DDAH1: variants seen among roughly 807,000 people sequenced by gnomAD.
DDAH1 encodes the protein dimethylarginine dimethylaminohydrolase 1, also known as N(G),N(G)-dimethylarginine dimethylaminohydrolase 1.
Under a neutral mutation model 28.8 loss-of-function variants are expected in DDAH1, and 19 were observed. The observed-to-expected ratio is 0.66, with a 90% confidence interval of 0.46 to 0.97. The LOEUF (loss-of-function observed/expected upper bound fraction) is 0.97. Ranked by LOEUF, DDAH1 falls within the 50% of genes least tolerant of loss-of-function variation. The pLI, the probability that DDAH1 is intolerant of heterozygous loss-of-function variation, is 0.00. For missense variants in DDAH1, 326 were observed against 375.9 expected, an observed-to-expected ratio of 0.87 and a Z score of 1.10; for synonymous variants, 153 against 154.4, an observed-to-expected ratio of 0.99 and a Z score of 0.07.
rs1240440567 is a variant in DDAH1, at chr1:85,361,543, G to GA, written c.304-2697dup. On this transcript the variant is annotated intron_variant, in intron 1 of 5. Transcript: ENST00000284031. ...GCCCACAAAATTAGAAATAAAAAGGGAAAATTAGAAAAACAACCTACTTAA... is the reference window on the plus strand; with the variant it reads ...GCCCACAAAATTAGAAATAAAAAGGGAAAAATTAGAAAAACAACCTACTTAA... Among the ~76,000 whole-genome samples the GA allele has an allele frequency of 2.6e-5, 4 of 152,042 alleles. No homozygotes were observed. In the East Asian group the frequency reaches 7.7e-4, roughly 29 times the overall value.
At chr1:85,370,914 C>A (rs894562608) in intron 1 of DDAH1, among the ~76,000 whole-genome samples, 3 of 151,882 alleles carry the variant, frequency 2.0e-5, no homozygotes, top group African/African-American at 7.3e-5. Context: ...GTAGTCAGAA[C>A]CAGAAATAAA....
intron 1 of DDAH1, chr1:85,404,449 A>T: frequency 2.0e-6 from 3 of 1,531,618 alleles, no homozygotes; most frequent in Admixed American, 3.9e-5. Flanking sequence ...CAATCTTTTC[A>T]ACAGATTCCC....
chr1:85,432,360 C>T (rs142648243), intron 1 of DDAH1, among the ~76,000 whole-genome samples: 250 of 152,300 alleles, frequency 1.6e-3, no homozygotes, highest in Non-Finnish European at 2.8e-3. Context: ...CCACCCATCC[C>T]TCCCAAAGCT....
intron 1 of DDAH1, among the ~76,000 whole-genome samples, chr1:85,572,273 A>G (rs913021774): frequency 1.3e-5 from 2 of 152,158 alleles, no homozygotes; most frequent in Non-Finnish European, 2.9e-5. Flanking sequence ...GGCCACAGTT[A>G]CTGAAAACAC....
At chr1:85,497,480 A>G (rs1570609934) in intron 1 of DDAH1, among the ~76,000 whole-genome samples, 1 of 152,236 alleles carries the variant, frequency 6.6e-6, no homozygotes. Flanking sequence ...GGCCCCAACT[A>G]TCTTTTTCAC....
At chr1:85,498,209 A>G (rs554149457) in intron 1 of DDAH1, among the ~76,000 whole-genome samples, 5 of 152,308 alleles carry the variant, frequency 3.3e-5, no homozygotes, top group African/African-American at 1.2e-4. Context: ...CAACAGGACT[A>G]TAGCGGTGAC....
chr1:85,349,459 G>A (rs201823808), intron 4 of DDAH1, among the ~76,000 whole-genome samples: 4 of 117,226 alleles, frequency 3.4e-5, no homozygotes, highest in Non-Finnish European at 4.2e-5. Context: ...CTATGACTAA[G>A]AGGAACTTCT....
chr1:85,337,170 G>C (rs1648187711), intron 4 of DDAH1, among the ~76,000 whole-genome samples: 1 of 152,070 alleles, frequency 6.6e-6, no homozygotes. Context: ...CTTGTTTCTT[G>C]TTTTATATCA....
At chr1:85,335,832 C>T (rs2100810648) in intron 4 of DDAH1, among the ~76,000 whole-genome samples, 1 of 152,078 alleles carries the variant, frequency 6.6e-6, no homozygotes, top group East Asian at 1.9e-4. Context: ...CATGGTGGTG[C>T]ATGCTTGTAG....
At chr1:85,512,671 T>G (rs1191924135) in intron 1 of DDAH1, among the ~76,000 whole-genome samples, 1 of 152,160 alleles carries the variant, frequency 6.6e-6, no homozygotes, top group Non-Finnish European at 1.5e-5. Context: ...ACAAAATCAA[T>G]GTGCAAAAAT....
chr1:85,324,810 T>C lies in DDAH1; in HGVS notation c.671A>G (p.Tyr224Cys). The C allele has an allele frequency of 6.2e-7, 1 of 1,614,124 alleles. No individual in the cohort carries two copies. The change falls in exon 5 of 6, where the codon TAT (tyrosine) becomes TGT (cysteine). Residue 224 changes from tyrosine to cysteine, a missense_variant. Tyr to Cys is a radical substitution (Grantham distance 194). Transcript: ENST00000284031. ...GTGCCCTTTGTTGGGGATATTTAGA[T>C]ATATACAGTTTGCTGCTATGTCATC... ...VPDDIAANCI[Y>C]LNIPNKGHVL...
chr1:85,410,963 A>C (rs972526034), intron 1 of DDAH1, among the ~76,000 whole-genome samples: 3 of 152,136 alleles, frequency 2.0e-5, no homozygotes, highest in African/African-American at 7.2e-5. Context: ...ATAAAAGGGT[A>C]GAGTCAACCA....
intron 1 of DDAH1, among the ~76,000 whole-genome samples, chr1:85,413,376 T>G (rs528310836): frequency 2.0e-5 from 3 of 152,236 alleles, no homozygotes; most frequent in African/African-American, 7.2e-5. Context: ...CAGCTGGGGT[T>G]TGGAAATGCC....
rs566382164 is a variant in DDAH1 at position 85,455,175 on chromosome 1, C to T, written c.303+9568G>A. ...GAAAATATGATTACATCATAAATGG[C>T]CTAAAATATGACCTAAAGCCAAACT... On this transcript the variant is annotated intron_variant, in intron 1 of 5. Coordinates refer to ENST00000284031, the MANE Select transcript of DDAH1 (RefSeq NM_012137.4). Among the ~76,000 whole-genome samples the T allele has an allele frequency of 8.5e-5, 13 of 152,174 alleles. No individual in the cohort carries two copies. The East Asian group carries it at 2.5e-3, about 29-fold the overall frequency.
chr1:85,363,267 T>C (rs1649887121), intron 1 of DDAH1, among the ~76,000 whole-genome samples: 2 of 152,216 alleles, frequency 1.3e-5, no homozygotes, highest in South Asian at 4.1e-4. Flanking sequence ...GCTGCTTTCC[T>C]TCAGCTGTTT....
chr1:85,556,704 T>A (rs1265853097), intron 1 of DDAH1, among the ~76,000 whole-genome samples: 7 of 152,216 alleles, frequency 4.6e-5, no homozygotes. Context: ...TCTCCCTAAA[T>A]CTACCAACCA....
intron 1 of DDAH1, among the ~76,000 whole-genome samples, chr1:85,412,109 TA>T (rs1269656268): frequency 6.6e-6 from 1 of 152,226 alleles, no homozygotes. Flanking sequence ...GAGAAAAGAA[TA>T]TTTTTTTAAA....
At chr1:85,343,284 G>T (rs1007203885) in intron 4 of DDAH1, among the ~76,000 whole-genome samples, 2 of 152,138 alleles carry the variant, frequency 1.3e-5, no homozygotes, top group African/African-American at 4.8e-5. Flanking sequence ...CAGCATGGCT[G>T]TTTTGGTGTC....
intron 1 of DDAH1, among the ~76,000 whole-genome samples, chr1:85,425,401 C>T (rs779591175): frequency 3.9e-4 from 59 of 152,246 alleles, no homozygotes; most frequent in Admixed American, 1.3e-3. Context: ...CATGCCATCT[C>T]TCAGACATTT....
Sources: allele counts gnomAD v4.1 joint callset (sites outside exome capture counted in the v4.1 genomes callset), GRCh38; gene constraint gnomAD v4.1.1; transcripts MANE v1.5; gene names NCBI Gene and HGNC (gene_info 2026-07-23, HGNC 2026-07-21).